Variants in RAB11FIP2 observed in about 807,000 individuals in gnomAD.
RAB11FIP2 encodes RAB11 family interacting protein 2.
A neutral mutation model predicts 40.9 loss-of-function variants in RAB11FIP2; 16 were observed. The observed-to-expected ratio is 0.39, with a 90% CI of 0.26 to 0.59. The LOEUF (loss-of-function observed/expected upper bound fraction) is 0.59, where lower values mean the gene tolerates loss of function less well. Among genes scored for constraint, RAB11FIP2 ranks in the 20% least tolerant of loss-of-function variants. The pLI is 0.53. For missense variants in RAB11FIP2, 532 were observed against 606.2 expected (o/e 0.88, Z 1.28); for synonymous variants, 228 against 213.7 (o/e 1.07, Z -0.58).
chr10:118,046,484 G>A lies in RAB11FIP2; in HGVS notation c.-321C>T. On this transcript the variant is annotated 5_prime_UTR_variant, in exon 1 of 5. Transcript: ENST00000355624. ...GGGGCACGTGAGGCCTGGCCACACG[G>A]ACCCGGGCGGAGGGCTGCGGGGGTG... 1 of 242,284 alleles carries A rather than the reference G, an allele frequency of 4.1e-6. No homozygotes were observed. Among genetic ancestry groups the A allele is most frequent in the Non-Finnish European group, 7.8e-6 (1 of 127,438 alleles). The allele number at this position is 242,284 out of a possible 1,614,324, so 15.0% of individuals were successfully genotyped here. A position where few individuals can be genotyped will look rare whatever the true frequency, so the allele number is the denominator to read the frequency against.
At chr10:118,032,948 A>C (rs569816611) in intron 3 of RAB11FIP2, among the ~76,000 whole-genome samples, 47 of 152,218 alleles carry the variant, frequency 3.1e-4, no homozygotes, top group African/African-American at 1.1e-3. Flanking sequence ...ATTTTACTTA[A>C]TAATGGCCCC....
At chr10:118,022,648 C>A (rs1022468645) in intron 3 of RAB11FIP2, among the ~76,000 whole-genome samples, 12 of 152,156 alleles carry the variant, frequency 7.9e-5, no homozygotes, top group Non-Finnish European at 1.6e-4. Flanking sequence ...AAGTGCTTTT[C>A]AAATATATGG....
At chr10:118,042,286 G>C (rs150358898) in intron 1 of RAB11FIP2, among the ~76,000 whole-genome samples, 1 of 152,098 alleles carries the variant, frequency 6.6e-6, no homozygotes, top group Non-Finnish European at 1.5e-5. Context: ...CCCCAAAATG[G>C]AAGGGGGTGG....
chr10:118,037,251 A>G (rs565123811), intron 3 of RAB11FIP2, among the ~76,000 whole-genome samples: 4 of 152,256 alleles, frequency 2.6e-5, no homozygotes, highest in African/African-American at 9.6e-5. Flanking sequence ...AAATATTGAT[A>G]CCATATGATA....
At chr10:118,024,053 G>A (rs1469980396) in intron 3 of RAB11FIP2, among the ~76,000 whole-genome samples, 1 of 148,702 alleles carries the variant, frequency 6.7e-6, no homozygotes, top group Non-Finnish European at 1.5e-5. Flanking sequence ...TCACGCCACT[G>A]CACTCCAGCC....
intron 3 of RAB11FIP2, among the ~76,000 whole-genome samples, chr10:118,029,715 A>C (rs1463206397): frequency 6.6e-6 from 1 of 152,154 alleles, no homozygotes; most frequent in Non-Finnish European, 1.5e-5. Flanking sequence ...TAACAGAATG[A>C]ATCAGGAGCC....
At chr10:118,040,867 T>C (rs1408771001) in intron 1 of RAB11FIP2, among the ~76,000 whole-genome samples, 2 of 152,172 alleles carry the variant, frequency 1.3e-5, no homozygotes, top group African/African-American at 4.8e-5. Flanking sequence ...AAAATTCTTA[T>C]CAATGCTAGA....
At chr10:118,038,263 TATAG>T (rs1270847222) in intron 3 of RAB11FIP2, among the ~76,000 whole-genome samples, 47 of 151,072 alleles carry the variant, frequency 3.1e-4, no homozygotes, top group Admixed American at 7.3e-4. Context: ...TATAAATTTA[TATAG>T]ATATAGATTT....
Position 118,045,878 on chromosome 10 carries a change from T to A in RAB11FIP2, c.286A>T (p.Lys96Ter). ...TTGATTGCCACCTGCCCTAAAAATTTATCCAGACCCACCAGGGACCTGTGC... is the reference window on the plus strand; with the variant it reads ...TTGATTGCCACCTGCCCTAAAAATTAATCCAGACCCACCAGGGACCTGTGC... ...VMHRSLVGLD[K>*]FLGQVAINLN... The change falls in exon 1 of 5, where the codon AAA becomes TAA. Residue 96 changes from lysine to a stop codon, truncating the protein, a stop_gained. Transcript: ENST00000355624. LOFTEE classifies it high-confidence loss of function. 6.2e-7 allele frequency: 1 copy of A among 1,614,126 alleles called. No individual in the cohort carries two copies. Among genetic ancestry groups the A allele is most frequent in the Middle Eastern group, 1.6e-4 (1 of 6,062 alleles).
intron 4 of RAB11FIP2, among the ~76,000 whole-genome samples, chr10:118,011,258 A>G (rs942041154): frequency 6.6e-6 from 1 of 152,124 alleles, no homozygotes; most frequent in Non-Finnish European, 1.5e-5. Flanking sequence ...AGTTTCAGTC[A>G]TATTTCCTTC....
chr10:118,037,895 T>C (rs1287942475), intron 3 of RAB11FIP2, among the ~76,000 whole-genome samples: 1 of 152,130 alleles, frequency 6.6e-6, no homozygotes, highest in East Asian at 1.9e-4. Flanking sequence ...TTTGCACATA[T>C]ACGCAACCTC....
At chr10:118,010,742 C>T (rs1023568559) in intron 4 of RAB11FIP2, among the ~76,000 whole-genome samples, 2 of 151,918 alleles carry the variant, frequency 1.3e-5, no homozygotes, top group Admixed American at 6.6e-5. Flanking sequence ...ATACAGCTTG[C>T]GCTAGGCCTT....
At chr10:118,015,030 T>C (rs763247814) in intron 4 of RAB11FIP2, 35 bp downstream of exon 4, 2 of 1,557,342 alleles carry the variant, frequency 1.3e-6, no homozygotes, top group Non-Finnish European at 8.7e-7. Flanking sequence ...ACCAGCTTAC[T>C]CTTTGACAAC....
At chr10:118,039,973 G>C (rs1012983589) in intron 2 of RAB11FIP2, 150 bp downstream of exon 2, 2 of 630,664 alleles carry the variant, frequency 3.2e-6, no homozygotes, top group Non-Finnish European at 5.3e-6. Context: ...ACCAATTTGA[G>C]GTATAGTAGG....
intron 4 of RAB11FIP2, among the ~76,000 whole-genome samples, chr10:118,012,749 C>A (rs950784855): frequency 3.9e-5 from 6 of 152,034 alleles, no homozygotes; most frequent in African/African-American, 1.4e-4. Context: ...ATGCAACTTA[C>A]AATGGTTACT....
rs559326411 is a variant in RAB11FIP2, at chr10:118,005,449, A to G, written c.*3549T>C. The G allele has an allele frequency of 1.3e-5, 2 of 152,740 alleles. No homozygotes were observed. The highest frequency in any genetic ancestry group is 4.8e-5 in the African/African-American group (2 of 41,562). The allele number at this position is 152,740 out of a possible 1,614,324, so 9.5% of individuals were successfully genotyped here. ...ATTGCATCTGGATTATTAAAGTTCT[A>G]CATCTGTGCAAATGGGGGCTTTCCA... On this transcript the variant is annotated 3_prime_UTR_variant, in exon 5 of 5. Transcript: ENST00000355624.
intron 4 of RAB11FIP2, among the ~76,000 whole-genome samples, chr10:118,014,582 TAA>T (rs1440680169): frequency 6.6e-6 from 1 of 152,160 alleles, no homozygotes; most frequent in East Asian, 1.9e-4. Flanking sequence ...ACGAGAAAGA[TAA>T]GTGTCCTAAA....
chr10:118,031,614 T>C (rs1000148151), intron 3 of RAB11FIP2, among the ~76,000 whole-genome samples: 2 of 152,106 alleles, frequency 1.3e-5, no homozygotes, highest in African/African-American at 4.8e-5. Flanking sequence ...CACACTGCCA[T>C]GAAAAATCAC....
In RAB11FIP2 at chr10:118,008,733, C is replaced by A; in HGVS notation, c.*265G>T. ...CCTATGGCAGATTAGTGGGTCAGTACCAGCACCTGAGTGAGTCCTAAGGAA... is the reference window on the plus strand; with the variant it reads ...CCTATGGCAGATTAGTGGGTCAGTAACAGCACCTGAGTGAGTCCTAAGGAA... On this transcript the variant is annotated 3_prime_UTR_variant, in exon 5 of 5. Coordinates refer to ENST00000355624, the MANE Select transcript of RAB11FIP2 (RefSeq NM_014904.3). The A allele has an allele frequency of 2.4e-6, 1 of 419,192 alleles. No individual in the cohort carries two copies. Among genetic ancestry groups the A allele is most frequent in the Non-Finnish European group, 4.4e-6 (1 of 228,890 alleles). 26.0% of individuals were successfully genotyped at this position (419,192 alleles called of 1,614,324 possible).
Sources: allele counts gnomAD v4.1 joint callset (sites outside exome capture counted in the v4.1 genomes callset), GRCh38; gene constraint gnomAD v4.1.1; transcripts MANE v1.5; gene names NCBI Gene and HGNC (gene_info 2026-07-23, HGNC 2026-07-21).